Variants in PZP observed in about 807,000 individuals in gnomAD.
The protein encoded by PZP is pregnancy zone protein.
Under a neutral mutation model 179.8 loss-of-function variants are expected in PZP, and 150 were observed. The observed-to-expected ratio is 0.83, with a 90% CI of 0.73 to 0.96. PZP has a LOEUF of 0.96. PZP is among the 40% of genes least tolerant of loss of function. The pLI is 0.00. For missense variants in PZP, 1,689 were observed against 1,764.0 expected, an observed-to-expected ratio of 0.96 and a Z score of 0.76; for synonymous variants, 624 against 652.3, an observed-to-expected ratio of 0.96 and a Z score of 0.66.
chr12:9,181,102 G>T lies in PZP; in HGVS notation c.1720C>A (p.Pro574Thr), dbSNP rs1464421353. Residue 574 changes from proline to threonine, a missense_variant, in exon 15 of 36, where the codon CCC becomes ACC. By Grantham distance (38) the Pro-to-Thr change is conservative. This residue lies in a region of PZP where 742 missense variants were observed against 730.5 expected (regional missense o/e 1.02). Coordinates refer to ENST00000261336, the MANE Select transcript of PZP (RefSeq NM_002864.3). The part of the protein sequence containing the change: ...VDLSFSPAQS[P>T]PASHAHLQVA... ...TGCAGGTGGGCATGTGAGGCTGGGG[G>T]ACTTTGTGCTGGGCTGAAGCTCAAA... The T allele has an allele frequency of 1.9e-6, 3 of 1,614,006 alleles. No homozygotes were observed. Among genetic ancestry groups the T allele is most frequent in the African/African-American group, 1.3e-5 (1 of 74,930 alleles).
rs755206011 is a variant in PZP at position 9,148,882 on chromosome 12, G to C, written c.*90C>G. The C allele has an allele frequency of 1.2e-5, 14 of 1,121,392 alleles. No individual in the cohort carries two copies. The highest frequency in any genetic ancestry group is 2.1e-5 in the Admixed American group (1 of 48,044). 69.5% of individuals were successfully genotyped at this position (1,121,392 alleles called of 1,614,324 possible). A position where few individuals can be genotyped will look rare whatever the true frequency, so the allele number is the denominator to read the frequency against. ...CATATTTATTCAGCAAATATTTTTA[G>C]TGTCTATTTTATAGAGACAAATAAC... On this transcript the variant is annotated 3_prime_UTR_variant, in exon 36 of 36. Transcript: ENST00000261336.
intron 17 of PZP, 145 bp from the exon 18 acceptor site, chr12:9,166,347 C>G: frequency 1.4e-6 from 1 of 731,138 alleles, no homozygotes; most frequent in South Asian, 1.8e-5. Flanking sequence ...TTGGGAAATA[C>G]TTTGTGATCC....
rs1336868726 is a variant in PZP, at chr12:9,157,818, G to T, written c.3318C>A (p.Thr1106=). 6.2e-7 allele frequency: 1 copy of T among 1,613,934 alleles called. No homozygotes were observed. Among genetic ancestry groups the T allele is most frequent in the Non-Finnish European group, 8.5e-7 (1 of 1,179,896 alleles). Residue 1106 remains threonine (T), a synonymous_variant, in exon 27 of 36, where the codon ACC becomes ACA. Transcript: ENST00000261336. ...GGGCAATAGTAACATAGGCGGAGAG[G>T]GTCGCTTCATCTTCTACACCTCCCT... is the stretch of plus-strand genomic sequence containing the variant. ...AIKGGVEDEA[T]LSAYVTIALL... is the part of the protein sequence containing the mutation.
At chr12:9,154,960 C>T in intron 28 of PZP, 121 bp from the exon 29 acceptor site, 2 of 1,031,418 alleles carry the variant, frequency 1.9e-6, no homozygotes, top group Non-Finnish European at 2.8e-6. Flanking sequence ...GCAAGGTCTT[C>T]TATGTCATAA....
At chr12:9,152,137 T>C (rs968965267) in intron 32 of PZP, 83 bp downstream of exon 32, 2 of 1,022,500 alleles carry the variant, frequency 2.0e-6, no homozygotes, top group African/African-American at 3.2e-5. Context: ...GATGTTGACA[T>C]GGTTTTGATA....
Position 9,196,656 on chromosome 12 carries a change from T to C in PZP, c.897A>G (p.Gln299=), listed in dbSNP as rs772806854. The part of the protein sequence containing the change: ...QLNSNGCITQ[Q]VHTKMLQITN... ...TAATCTGGAGCATTTTGGTGTGTAC[T>C]TGTTGGGTGATGCAGCCATTGCTGT... Residue 299 remains glutamine, a synonymous_variant, in exon 9 of 36, where the codon CAA becomes CAG. Transcript: ENST00000261336. 11 of 1,613,268 alleles carry C rather than the reference T, an allele frequency of 6.8e-6. No homozygotes were observed. The African/African-American group carries it at 1.5e-4, about 22-fold the overall frequency.
intron 24 of PZP, 82 bp from the exon 25 acceptor site, chr12:9,160,107 G>A (rs969795360): frequency 2.6e-5 from 35 of 1,345,694 alleles, no homozygotes; most frequent in East Asian, 2.5e-4. Context: ...GCATCCAGGC[G>A]CCATGGACAT....
downstream of PZP, among the ~76,000 whole-genome samples, chr12:9,148,324 G>A (rs752453942): frequency 7.2e-5 from 11 of 152,064 alleles, no homozygotes; most frequent in Non-Finnish European, 1.6e-4. Flanking sequence ...TAGGATGCAG[G>A]TTACTCCCCT....
At chr12:9,191,494 A>G (rs1290885447) in intron 13 of PZP, among the ~76,000 whole-genome samples, 1 of 152,126 alleles carries the variant, frequency 6.6e-6, no homozygotes, top group Non-Finnish European at 1.5e-5. Flanking sequence ...AAAAATAAAA[A>G]TTAAAAATTA....
At chr12:9,167,703 CCT>C (rs1204867235) in intron 17 of PZP, among the ~76,000 whole-genome samples, 3 of 152,044 alleles carry the variant, frequency 2.0e-5, no homozygotes, top group Admixed American at 2.0e-4. Flanking sequence ...AATTTCAATC[CCT>C]GTTATGTATT....
chr12:9,181,434 G>A (rs1942753398), intron 14 of PZP, among the ~76,000 whole-genome samples: 1 of 152,172 alleles, frequency 6.6e-6, no homozygotes, highest in Non-Finnish European at 1.5e-5. Context: ...CTACTCCAGT[G>A]ATCAAAAGTG....
chr12:9,181,224 T>G, intron 14 of PZP, 92 bp from the exon 15 acceptor site: 1 of 1,483,980 alleles, frequency 6.7e-7, no homozygotes, highest in Non-Finnish European at 9.2e-7. Context: ...TTATATTCAG[T>G]TCATATGACT....
In PZP at chr12:9,161,277, A is replaced by G. The variant is rs141862059; in HGVS notation, c.2789-161T>C. ...TTGTGATGATTTGAGGAAAAAACAC[A>G]TGTAAAACATTCAGAACAGTATCTG... On this transcript the variant is annotated intron_variant, in intron 22 of 35. Transcript: ENST00000261336. Among the ~76,000 whole-genome samples, 39 of 152,360 alleles carry G rather than the reference A, an allele frequency of 2.6e-4. No homozygotes were observed. In the East Asian group the frequency reaches 6.0e-3, roughly 23 times the overall value.
chr12:9,207,227 TA>T (rs1321363144), intron 1 of PZP, among the ~76,000 whole-genome samples: 2 of 152,170 alleles, frequency 1.3e-5, no homozygotes, highest in African/African-American at 4.8e-5. Context: ...GACTTCCCTG[TA>T]TCAGTCTGGA....
At position 9,192,534 on chromosome 12, in the gene PZP, G is replaced by T. The variant is rs368845114; in HGVS notation, c.1460C>A (p.Ser487Ter). Reference protein sequence around the residue: ...TLNRQAMGELSELSFHYLIMA... With the variant: ...TLNRQAMGEL ...TACCAGGTAATGGAAACTGAGCTCC[G>T]ATAACTCTCCCATGGCCTGTCTATT... The change falls in exon 12 of 36, where the codon TCG (serine) becomes TAG (stop). Residue 487 changes from serine to a stop codon, truncating the protein, a stop_gained. Transcript: ENST00000261336. LOFTEE classifies it high-confidence loss of function. 3.7e-6 allele frequency: 6 copies of T among 1,613,478 alleles called. No homozygotes were observed. In the African/African-American group the frequency reaches 5.3e-5, roughly 14 times the overall value.
At chr12:9,180,910 G>C in intron 15 of PZP, 73 bp downstream of exon 15, 2 of 1,512,486 alleles carry the variant, frequency 1.3e-6, no homozygotes, top group Non-Finnish European at 1.8e-6. Flanking sequence ...ATCTGACAAA[G>C]GGCTAATAGA....
intron 15 of PZP, among the ~76,000 whole-genome samples, chr12:9,172,278 A>T (rs539569528): frequency 1.4e-4 from 22 of 152,222 alleles, no homozygotes; most frequent in Non-Finnish European, 2.9e-4. Flanking sequence ...GATTCTTTTC[A>T]AACAAGTGAA....
At position 9,155,962 on chromosome 12, in the gene PZP, A is replaced by G. The variant is rs769413854; in HGVS notation, c.3551-1123T>C. The stretch of plus-strand genomic sequence containing the variant: ...GGTAGTCCAGCAGAGGCAGCATGCC[A>G]TATGGGTTCATGTTTTCACCAATAA... On this transcript the variant is annotated intron_variant, in intron 28 of 35. Coordinates refer to ENST00000261336, the MANE Select transcript of PZP (RefSeq NM_002864.3). 1.7e-4 allele frequency: 27 copies of G among 163,558 alleles called. No homozygotes were observed. The South Asian group carries it at 2.1e-3, about 13-fold the overall frequency. 10.1% of individuals were successfully genotyped at this position (163,558 alleles called of 1,614,324 possible).
intron 14 of PZP, among the ~76,000 whole-genome samples, chr12:9,181,396 G>A (rs189981195): frequency 2.0e-4 from 31 of 152,264 alleles, no homozygotes; most frequent in Admixed American, 8.5e-4. Context: ...CCTTATGTTT[G>A]CAAGTATTAA....
Sources: allele counts gnomAD v4.1 joint callset (sites outside exome capture counted in the v4.1 genomes callset), GRCh38; gene constraint gnomAD v4.1.1; regional missense constraint gnomAD v4.1.1; transcripts MANE v1.5; gene names NCBI Gene and HGNC (gene_info 2026-07-23, HGNC 2026-07-21).